Variants in SVIL observed in about 807,000 individuals in gnomAD.
The protein encoded by SVIL is archvillin.
Under a neutral mutation model 240.4 loss-of-function variants are expected in SVIL, and 101 were observed. The observed-to-expected ratio is 0.42, with a 90% confidence interval of 0.36 to 0.50. The LOEUF (loss-of-function observed/expected upper bound fraction) is 0.50. Among genes scored for constraint, SVIL ranks in the 20% least tolerant of loss-of-function variants. The pLI is 0.01. For synonymous variants in SVIL, 999 were observed against 1,100.0 expected, an observed-to-expected ratio of 0.91 and a Z score of 1.82; for missense variants, 2,512 against 2,818.7, an observed-to-expected ratio of 0.89 and a Z score of 2.46.
upstream of SVIL, among the ~76,000 whole-genome samples, chr10:29,635,802 A>C (rs1416927367): frequency 3.3e-5 from 5 of 152,278 alleles, no homozygotes; most frequent in Non-Finnish European, 7.4e-5. Context: ...GTCTGCACCA[A>C]CTTCAGTATA....
Position 29,734,231 on chromosome 10 carries a change from A to G in SVIL, c.-400+1520T>C, listed in dbSNP as rs1964773125. On this transcript the variant is annotated intron_variant, in intron 1 of 35. Coordinates refer to the SVIL transcript ENST00000375400. ...GGAAACCTTAGTTCTCTTCATATACATTAAGTTTTAAATATGAGTTGGTTT... is the reference window on the plus strand; with the variant it reads ...GGAAACCTTAGTTCTCTTCATATACGTTAAGTTTTAAATATGAGTTGGTTT... 2.0e-5 allele frequency among the ~76,000 whole-genome samples: 3 copies of G among 152,292 alleles called. No individual in the cohort carries two copies. The South Asian group carries it at 6.2e-4, about 32-fold the overall frequency.
intron 1 of SVIL, among the ~76,000 whole-genome samples, chr10:29,625,783 C>T (rs911885810): frequency 3.9e-5 from 6 of 151,972 alleles, no homozygotes; most frequent in African/African-American, 7.2e-5. Context: ...TTTTGAAATG[C>T]GTATAAGCTT....
At chr10:29,539,095 TTTGAGGCTGCAGTGAGCTATGA>T (rs1355155030) in intron 6 of SVIL, among the ~76,000 whole-genome samples, 1 of 151,918 alleles carries the variant, frequency 6.6e-6, no homozygotes, top group Non-Finnish European at 1.5e-5. Context: ...AGCCCAGGAG[TTTGAGGCTGCAGTGAGCTATGA>T]TTGCACCACT....
upstream of SVIL, among the ~76,000 whole-genome samples, chr10:29,638,062 T>C (rs1159585579): frequency 2.0e-5 from 3 of 152,192 alleles, no homozygotes; most frequent in Non-Finnish European, 4.4e-5. Context: ...GTGATACTAT[T>C]GTATAGCTTT....
At chr10:29,494,044 G>A (rs1254591710) in intron 20 of SVIL, among the ~76,000 whole-genome samples, 2 of 152,244 alleles carry the variant, frequency 1.3e-5, no homozygotes, top group African/African-American at 2.4e-5. Context: ...GGTGGTGCAC[G>A]CCCATAGTCC....
chr10:29,527,088 C>T, intron 12 of SVIL, 32 bp from the exon 13 acceptor site: 3 of 1,576,790 alleles, frequency 1.9e-6, no homozygotes, highest in Non-Finnish European at 2.6e-6. Flanking sequence ...AGGAAACATT[C>T]ATAAGGAGAG....
intron 6 of SVIL, among the ~76,000 whole-genome samples, chr10:29,547,214 C>T (rs4749449): frequency 0.42 from 63,256 of 151,686 alleles, 13,213 homozygotes; most frequent in East Asian, 0.44. Flanking sequence ...GTAAATCAAT[C>T]TTTACAACCT....
At chr10:29,469,752 A>G (rs1487204806) in intron 32 of SVIL, among the ~76,000 whole-genome samples, 1 of 152,120 alleles carries the variant, frequency 6.6e-6, no homozygotes, top group Non-Finnish European at 1.5e-5. Context: ...AACAAAACCC[A>G]ACCCGGAAGT....
intron 1 of SVIL, among the ~76,000 whole-genome samples, chr10:29,581,596 G>A (rs1955949108): frequency 6.6e-6 from 1 of 152,170 alleles, no homozygotes. Flanking sequence ...CTAAACTTCA[G>A]AATTCTTTTT....
intron 17 of SVIL, among the ~76,000 whole-genome samples, chr10:29,511,966 C>G (rs1470803491): frequency 2.6e-5 from 4 of 152,180 alleles, no homozygotes; most frequent in Middle Eastern, 6.3e-3. Context: ...TTTTTCTTTT[C>G]TACTTGAAGA....
chr10:29,570,674 A>G (rs1366622311), intron 1 of SVIL, among the ~76,000 whole-genome samples: 1 of 152,250 alleles, frequency 6.6e-6, no homozygotes, highest in Non-Finnish European at 1.5e-5. Flanking sequence ...AGTGCAGCAC[A>G]TCTAGCATTT....
At chr10:29,683,911 G>T (rs1171421871) in intron 2 of SVIL, among the ~76,000 whole-genome samples, 1 of 152,040 alleles carries the variant, frequency 6.6e-6, no homozygotes, top group African/African-American at 2.4e-5. Context: ...TGGCACACTG[G>T]TCAGGAAATA....
chr10:29,564,641 G>C lies in SVIL; in HGVS notation c.-142-1349C>G, dbSNP rs569736523. On this transcript the variant is annotated intron_variant, in intron 2 of 37. Transcript: ENST00000355867. ...ACCTCTACCCCCTGTAAAAACTACA[G>C]GGAAAGAACTTCCACACAGTCCAAA... Among the ~76,000 whole-genome samples the C allele has an allele frequency of 1.1e-4, 17 of 151,458 alleles. No homozygotes were observed. In the East Asian group the frequency reaches 3.3e-3, roughly 29 times the overall value.
chr10:29,459,185 C>T (rs1943929065), intron 36 of SVIL, among the ~76,000 whole-genome samples: 1 of 152,130 alleles, frequency 6.6e-6, no homozygotes, highest in South Asian at 2.1e-4. Flanking sequence ...TCATAGCTCT[C>T]TGCAGCCTTA....
chr10:29,544,071 A>G (rs61846597), intron 6 of SVIL, among the ~76,000 whole-genome samples: 19,100 of 152,268 alleles, frequency 0.13, 1,311 homozygotes, highest in Non-Finnish European at 0.15. Flanking sequence ...ATAATAGTAT[A>G]TAATGATCAG....
chr10:29,530,597 C>G lies in SVIL; in HGVS notation c.2106+10G>C. On this transcript the variant is annotated intron_variant, in intron 11 of 37. Coordinates refer to ENST00000355867, the MANE Select transcript of SVIL (RefSeq NM_021738.3). ...AGGGATCTCTATTCAAGCACGTCAG[C>G]ACAGCTTACCCTGAAAAGCAACCTC... 6.2e-7 allele frequency: 1 copy of G among 1,614,076 alleles called. No individual in the cohort carries two copies. Among genetic ancestry groups the G allele is most frequent in the Non-Finnish European group, 8.5e-7 (1 of 1,179,988 alleles).
intron 13 of SVIL, among the ~76,000 whole-genome samples, chr10:29,525,302 A>G (rs1472419164): frequency 6.6e-6 from 1 of 152,218 alleles, no homozygotes; most frequent in African/African-American, 2.4e-5. Flanking sequence ...TCCAGTAACC[A>G]GAGGAGTAAA....
intron 1 of SVIL, among the ~76,000 whole-genome samples, chr10:29,693,969 A>T (rs375946376): frequency 5.9e-5 from 9 of 152,112 alleles, no homozygotes; most frequent in African/African-American, 1.4e-4. Context: ...ACATAGATAC[A>T]TAGATAGATA....
At chr10:29,562,920 G>T (rs11007654) in intron 3 of SVIL, among the ~76,000 whole-genome samples, 64,763 of 151,480 alleles carry the variant, frequency 0.43, 13,521 homozygotes, top group African/African-American at 0.45. Context: ...TGAGGGCAGG[G>T]CGATTTTATG....
Sources: gnomAD v4.1 joint callset for allele counts (sites outside exome capture counted in the v4.1 genomes callset) on GRCh38, gnomAD v4.1.1 for gene constraint, MANE v1.5 for transcripts, NCBI Gene and HGNC (gene_info 2026-07-23, HGNC 2026-07-21) for gene names.